The following ABCA7 variants were observed in gnomAD, a reference collection of about 807,000 sequenced individuals.
ABCA7 encodes ATP binding cassette subfamily A member 7.
Under a neutral mutation model 227.6 loss-of-function variants are expected in ABCA7, and 261 were observed. That is an observed-to-expected ratio of 1.15 (90% CI 1.04 to 1.27). ABCA7 has a LOEUF of 1.27. Among genes scored for constraint, ABCA7 ranks in the 50% most tolerant of loss-of-function variants. The probability of loss-of-function intolerance (pLI) is 0.00; values close to 1 mark genes in which losing one functional copy is unlikely to be tolerated. For missense variants in ABCA7, 3,331 were observed against 2,924.5 expected, an observed-to-expected ratio of 1.14 and a Z score of -3.21; for synonymous variants, 1,488 against 1,279.7, an observed-to-expected ratio of 1.16 and a Z score of -3.47.
At position 1,054,470 on chromosome 19, in the gene ABCA7, G is replaced by A; in HGVS notation, c.3727-100G>A. On this transcript the variant is annotated intron_variant, in intron 27 of 46. Coordinates refer to ENST00000263094, the MANE Select transcript of ABCA7 (RefSeq NM_019112.4). The surrounding 1 kb of genome is among the most constrained non-coding windows in gnomAD (Gnocchi z 4.8). ...CCAACCCAAAGCACATTTATTGAGG[G>A]CACTGGGGAGCCATGGGTGGTTGTA... 6.4e-7 allele frequency: 1 copy of A among 1,564,352 alleles called. No individual in the cohort carries two copies. The highest frequency in any genetic ancestry group is 2.3e-5 in the East Asian group (1 of 44,200).
rs750405083 is a variant in ABCA7 at position 1,065,310 on chromosome 19, A to G, written c.6326A>G (p.Asp2109Gly). 1.2e-5 allele frequency: 19 copies of G among 1,613,406 alleles called. No homozygotes were observed. Among genetic ancestry groups the G allele is most frequent in the Non-Finnish European group, 1.5e-5 (18 of 1,179,980 alleles). ...YFSKDQGKDE[D>G]TEEQKEAGVG... ...TCCAAGGACCAGGGGAAGGACGAGGACACCGAAGAGCAGAAGGAGGCAGGA... is the reference window on the plus strand; with the variant it reads ...TCCAAGGACCAGGGGAAGGACGAGGGCACCGAAGAGCAGAAGGAGGCAGGA... Residue 2109 changes from aspartate (D) to glycine (G), a missense_variant, in exon 47 of 47, where the codon GAC (aspartate) becomes GGC (glycine). By Grantham distance (94) the Asp-to-Gly change is moderately conservative. Coordinates refer to ENST00000263094, the MANE Select transcript of ABCA7 (RefSeq NM_019112.4).
rs564351932 is a variant in ABCA7, at chr19:1,050,132, C to T, written c.2552+695C>T. 9.3e-5 allele frequency among the ~76,000 whole-genome samples: 14 copies of T among 151,028 alleles called. No individual in the cohort carries two copies. In the East Asian group the frequency reaches 2.6e-3, roughly 28 times the overall value. On this transcript the variant is annotated intron_variant, in intron 18 of 46. Transcript: ENST00000263094. The stretch of plus-strand genomic sequence containing the variant: ...AGACCCTGTCTCAAAATAAATAGGG[C>T]GGGAGTGGTGGCTCACGCCTGTAAT...
chr19:1,056,974 A>G lies in ABCA7; in HGVS notation c.4654A>G (p.Ser1552Gly). ...VVFAMSFVPASFTLVLIEERV... is the reference protein window; with the variant it reads ...VVFAMSFVPAGFTLVLIEERV... ...CTTTGCCATGTCCTTTGTCCCGGCC[A>G]GCTTCACTCTTGTCCTCATTGAGGA... Residue 1552 changes from serine (S) to glycine (G), a missense_variant, in exon 34 of 47, where the codon AGC (serine) becomes GGC (glycine). By Grantham distance (56) the Ser-to-Gly change is moderately conservative (BLOSUM62 0). Coordinates refer to ENST00000263094, the MANE Select transcript of ABCA7 (RefSeq NM_019112.4). This position sits in a 1 kb window ranked among gnomAD's most constrained non-coding sequence, Gnocchi z 4.3. 6.2e-7 allele frequency: 1 copy of G among 1,613,996 alleles called. No individual in the cohort carries two copies. The highest frequency in any genetic ancestry group is 8.5e-7 in the Non-Finnish European group (1 of 1,180,024).
In ABCA7 at chr19:1,043,847, CG is replaced by C. The variant is rs1568239089; in HGVS notation, c.1047+11del. 2 of 1,513,706 alleles carry C rather than the reference CG, an allele frequency of 1.3e-6. No individual in the cohort carries two copies. The highest frequency in any genetic ancestry group is 5.5e-5 in the East Asian group (2 of 36,384). 93.8% of individuals were successfully genotyped at this position (1,513,706 alleles called of 1,614,324 possible). ...CCAATGTGGCCATGCTGCAGGTGTGCGGGGGTGCTGGGGAGGTGGGATGTGG... is the reference window on the plus strand; with the variant it reads ...CCAATGTGGCCATGCTGCAGGTGTGCGGGGTGCTGGGGAGGTGGGATGTGG... On this transcript the variant is annotated splice_region_variant and intron_variant, in intron 10 of 46. Transcript: ENST00000263094.
At chr19:1,053,737 C>T (rs776505301) in intron 24 of ABCA7, 51 bp from the exon 25 acceptor site, 12 of 1,584,062 alleles carry the variant, frequency 7.6e-6, no homozygotes, top group African/African-American at 1.4e-5. Flanking sequence ...TCACAAGCCC[C>T]CAGTTCTCCC....
At position 1,049,355 on chromosome 19, in the gene ABCA7, C is replaced by A; in HGVS notation, c.2470C>A (p.Leu824Met). The change falls in exon 18 of 47, where the codon CTG (leucine) becomes ATG (methionine). Residue 824 changes from leucine to methionine, a missense_variant. By Grantham distance (15) the Leu-to-Met change is conservative (BLOSUM62 2). Transcript: ENST00000263094. Reference protein sequence around the residue: ...KRFPGSPQPALRGLSLDFYQG... With the variant: ...KRFPGSPQPAMRGLSLDFYQG... ...CTTTCCTGGAAGCCCGCAGCCAGCC[C>A]TGCGGGGGCTCAGCCTGGACTTCTA... 6.2e-7 allele frequency: 1 copy of A among 1,611,612 alleles called. No individual in the cohort carries two copies. The highest frequency in any genetic ancestry group is 8.5e-7 in the Non-Finnish European group (1 of 1,179,234).
At chr19:1,050,307 G>A (rs1485122072) in intron 18 of ABCA7, among the ~76,000 whole-genome samples, 1 of 151,960 alleles carries the variant, frequency 6.6e-6, no homozygotes, top group Non-Finnish European at 1.5e-5. Context: ...AGCTACTCAG[G>A]AGGCTGAGGC....
Position 1,064,983 on chromosome 19 carries a change from C to T in ABCA7, c.6097C>T (p.Pro2033Ser). Residue 2033 changes from proline (P) to serine (S), a missense_variant, in exon 46 of 47, where the codon CCG becomes TCG. Coordinates refer to ENST00000263094, the MANE Select transcript of ABCA7 (RefSeq NM_019112.4). ...TLRVPAARSQ[P>S]AAAFVAAEFP... Reference sequence around the variant, plus strand: ...GCGGGTGCCCGCCGCAAGGTCCCAGCCGGCAGCGGCCTTCGTGGCGGCCGA... The same window carrying T: ...GCGGGTGCCCGCCGCAAGGTCCCAGTCGGCAGCGGCCTTCGTGGCGGCCGA... 6.4e-7 allele frequency: 1 copy of T among 1,554,384 alleles called. No homozygotes were observed. The highest frequency in any genetic ancestry group is 8.7e-7 in the Non-Finnish European group (1 of 1,150,544).
At chr19:1,042,214 T>A in intron 5 of ABCA7, 38 bp downstream of exon 5, 3 of 1,594,994 alleles carry the variant, frequency 1.9e-6, no homozygotes, top group Non-Finnish European at 2.6e-6. Context: ...GGCTGAGCTC[T>A]GAGCCTCAAC....
At position 1,051,302 on chromosome 19, in the gene ABCA7, CA is replaced by C; in HGVS notation, c.2824+9del. 6.3e-7 allele frequency: 1 copy of C among 1,590,032 alleles called. No homozygotes were observed. The highest frequency in any genetic ancestry group is 8.6e-7 in the Non-Finnish European group (1 of 1,167,786). Reference sequence around the variant, plus strand: ...AGACTCGCCACCTCTCTGGTGAGCCCATCCCCAAGGGAGGTCACCTCACAGG... The same window carrying C: ...AGACTCGCCACCTCTCTGGTGAGCCCTCCCCAAGGGAGGTCACCTCACAGG... On this transcript the variant is annotated intron_variant, in intron 20 of 46. Coordinates refer to ENST00000263094, the MANE Select transcript of ABCA7 (RefSeq NM_019112.4).
intron 14 of ABCA7, 41 bp from the exon 15 acceptor site, chr19:1,047,116 A>C: frequency 6.4e-7 from 1 of 1,572,690 alleles, no homozygotes; most frequent in Non-Finnish European, 8.6e-7. Context: ...CCCCCAGGCC[A>C]ATCCAGGAGC....
chr19:1,055,786 G>A, intron 30 of ABCA7, 121 bp from the exon 31 acceptor site: 5 of 1,053,026 alleles, frequency 4.7e-6, no homozygotes, highest in Non-Finnish European at 6.7e-6. Flanking sequence ...ACAGGCAGGA[G>A]CCACCGCGCC....
intron 3 of ABCA7, 111 bp from the exon 4 acceptor site, chr19:1,041,720 C>T: frequency 6.3e-7 from 1 of 1,581,010 alleles, no homozygotes; most frequent in Non-Finnish European, 8.6e-7. Flanking sequence ...CAATACATGG[C>T]ATGGGAGTGA....
At chr19:1,064,638 G>T in intron 45 of ABCA7, 1 of 537,244 alleles carries the variant, frequency 1.9e-6, no homozygotes, top group Non-Finnish European at 3.2e-6. Context: ...AAGGGCGAAA[G>T]AGGAGTGTCC....
intron 18 of ABCA7, among the ~76,000 whole-genome samples, chr19:1,050,426 A>G (rs1030131158): frequency 6.9e-6 from 1 of 145,188 alleles, no homozygotes; most frequent in African/African-American, 2.6e-5. Flanking sequence ...AAATAAAAAT[A>G]AACAAATAAA....
At chr19:1,052,152 CT>C (rs1467565965) in intron 22 of ABCA7, 26 bp downstream of exon 22, 1 of 1,610,580 alleles carries the variant, frequency 6.2e-7, no homozygotes, top group Non-Finnish European at 8.5e-7. Context: ...CTCCTGACCC[CT>C]GACCCCCGGG....
Position 1,043,258 on chromosome 19 carries a change from G to A in ABCA7, c.790+7G>A. On this transcript the variant is annotated splice_region_variant and intron_variant, in intron 8 of 46. Coordinates refer to ENST00000263094, the MANE Select transcript of ABCA7 (RefSeq NM_019112.4). ...CTGCCAGACAGCAGCCTGAGTGAGT[G>A]ACTGACCTCGGTTTCCCCTCTTGGG... 6.2e-7 allele frequency: 1 copy of A among 1,608,362 alleles called. No individual in the cohort carries two copies. Among genetic ancestry groups the A allele is most frequent in the East Asian group, 2.2e-5 (1 of 44,740 alleles).
chr19:1,051,860 C>T, intron 21 of ABCA7, 82 bp from the exon 22 acceptor site: 2 of 1,536,702 alleles, frequency 1.3e-6, no homozygotes, highest in Non-Finnish European at 1.8e-6. Flanking sequence ...CTTCATGGGG[C>T]AGACAACTCC....
chr19:1,042,024 C>A, intron 4 of ABCA7, 40 bp from the exon 5 acceptor site: 2 of 1,581,168 alleles, frequency 1.3e-6, no homozygotes, highest in Non-Finnish European at 1.7e-6. Flanking sequence ...GGCTGCAGTG[C>A]CGGCCGGAAC....
Sources: allele counts gnomAD v4.1 joint callset (sites outside exome capture counted in the v4.1 genomes callset), GRCh38; gene constraint gnomAD v4.1.1; non-coding constraint Gnocchi (gnomAD v3.1); transcripts MANE v1.5; gene names NCBI Gene and HGNC (gene_info 2026-07-23, HGNC 2026-07-21).